L3MBTL4: variants seen among roughly 807,000 people sequenced by gnomAD.
L3MBTL4 encodes the protein lethal(3)malignant brain tumor-like protein 4.
L3MBTL4 carries 70 observed loss-of-function variants against 84.5 expected under a neutral mutation model. The observed-to-expected ratio is 0.83, with a 90% CI of 0.68 to 1.01. The LOEUF (loss-of-function observed/expected upper bound fraction) is 1.01. Ranked by LOEUF, L3MBTL4 falls within the 50% of genes least tolerant of loss-of-function variation. L3MBTL4 has a pLI of 0.00. For synonymous variants in L3MBTL4, 274 were observed against 259.8 expected (o/e 1.05, Z -0.52); for missense variants, 715 against 754.8 (o/e 0.95, Z 0.62).
chr18:6,046,879 C>T (rs987836042), intron 16 of L3MBTL4: 2 of 596,232 alleles, frequency 3.4e-6, no homozygotes, highest in African/African-American at 3.8e-5. Flanking sequence ...CCAAAACTAG[C>T]AGAAGAAAAG....
At chr18:6,156,708 T>C (rs890426413) in intron 13 of L3MBTL4, among the ~76,000 whole-genome samples, 5 of 152,228 alleles carry the variant, frequency 3.3e-5, no homozygotes, top group Non-Finnish European at 7.4e-5. Flanking sequence ...CGAGCCTTAC[T>C]GTCAAACCAC....
intron 13 of L3MBTL4, among the ~76,000 whole-genome samples, chr18:6,152,257 T>C (rs150405375): frequency 1.4e-4 from 22 of 152,272 alleles, no homozygotes; most frequent in African/African-American, 4.1e-4. Context: ...AAAAGAGGGA[T>C]TGCTGGATCT....
chr18:6,292,151 C>G (rs935854804), intron 4 of L3MBTL4, among the ~76,000 whole-genome samples: 1 of 152,126 alleles, frequency 6.6e-6, no homozygotes, highest in African/African-American at 2.4e-5. Flanking sequence ...TAGCATGCAT[C>G]AATTAAAAAT....
Position 6,098,520 on chromosome 18 carries a change from C to A in L3MBTL4, c.1200-4992G>T, listed in dbSNP as rs572049355. 2.0e-5 allele frequency among the ~76,000 whole-genome samples: 3 copies of A among 152,252 alleles called. No homozygotes were observed. In the South Asian group the frequency reaches 6.2e-4, roughly 32 times the overall value. ...TGCAGTTCAAAACATAAATAAATAA[C>A]CCAGAAGTCAGCAGTATTTCGGGAA... On this transcript the variant is annotated intron_variant, in intron 14 of 18. Coordinates refer to ENST00000317931, the MANE Select transcript of L3MBTL4 (RefSeq NM_001330559.2).
intron 10 of L3MBTL4, among the ~76,000 whole-genome samples, chr18:6,233,611 G>T (rs1359910281): frequency 2.0e-5 from 3 of 151,710 alleles, no homozygotes; most frequent in Non-Finnish European, 4.4e-5. Context: ...ACTTACAAGG[G>T]ATGTGAAGGA....
intron 14 of L3MBTL4, among the ~76,000 whole-genome samples, chr18:6,113,672 C>G (rs2059267271): frequency 6.6e-6 from 1 of 152,094 alleles, no homozygotes; most frequent in East Asian, 1.9e-4. Flanking sequence ...TCACTTGATT[C>G]AAGATCACTA....
intron 18 of L3MBTL4, among the ~76,000 whole-genome samples, chr18:5,956,701 T>C (rs8098668): frequency 0.37 from 56,265 of 152,148 alleles, 10,684 homozygotes; most frequent in East Asian, 0.49. Context: ...TGAATTTGTA[T>C]CAAGAGCCTT....
chr18:6,286,534 T>A (rs1327125029), intron 4 of L3MBTL4, among the ~76,000 whole-genome samples: 1 of 152,076 alleles, frequency 6.6e-6, no homozygotes, highest in Non-Finnish European at 1.5e-5. Flanking sequence ...AAGGTTCTCT[T>A]TGTTCTTCAG....
At chr18:6,029,474 T>C in intron 16 of L3MBTL4, 2 of 976,638 alleles carry the variant, frequency 2.0e-6, no homozygotes, top group Non-Finnish European at 2.4e-6. Context: ...GTGGCAGGAT[T>C]AAATGTAATA....
At chr18:6,032,810 T>C (rs2055899737) in intron 16 of L3MBTL4, among the ~76,000 whole-genome samples, 1 of 152,232 alleles carries the variant, frequency 6.6e-6, no homozygotes, top group South Asian at 2.1e-4. Flanking sequence ...AAAGTATTTG[T>C]CTTTTTGTTA....
intron 1 of L3MBTL4, among the ~76,000 whole-genome samples, chr18:6,314,966 G>C (rs16949905): frequency 0.04 from 6,119 of 152,184 alleles, 342 homozygotes; most frequent in African/African-American, 0.13. Context: ...ACTCATCCTG[G>C]CATAAGGATT....
chr18:6,342,592 AAGAT>A (rs1418093950), intron 1 of L3MBTL4, among the ~76,000 whole-genome samples: 3 of 152,162 alleles, frequency 2.0e-5, no homozygotes, highest in Non-Finnish European at 4.4e-5. Flanking sequence ...TTAAAAGAGA[AAGAT>A]AGAGGAATCA....
At chr18:6,074,165 G>C (rs376959544) in intron 16 of L3MBTL4, among the ~76,000 whole-genome samples, 2 of 152,144 alleles carry the variant, frequency 1.3e-5, no homozygotes, top group East Asian at 1.9e-4. Context: ...ATGTCAATGA[G>C]CTTACCGTCA....
chr18:6,240,564 T>C (rs187706363), intron 8 of L3MBTL4, among the ~76,000 whole-genome samples: 1 of 152,216 alleles, frequency 6.6e-6, no homozygotes, highest in Admixed American at 6.5e-5. Flanking sequence ...AATTAGCCAA[T>C]CCTGGGATTT....
At chr18:6,006,153 T>C (rs889245056) in intron 16 of L3MBTL4, among the ~76,000 whole-genome samples, 2 of 152,234 alleles carry the variant, frequency 1.3e-5, no homozygotes, top group African/African-American at 2.4e-5. Flanking sequence ...TCAAGAAATA[T>C]GGTTCCCATT....
intron 4 of L3MBTL4, among the ~76,000 whole-genome samples, chr18:6,299,678 AT>A (rs934013749): frequency 1.3e-4 from 13 of 99,390 alleles, no homozygotes; most frequent in African/African-American, 4.6e-4. Context: ...ATATAGATAT[AT>A]TTTTTTTATA....
intron 12 of L3MBTL4, among the ~76,000 whole-genome samples, chr18:6,178,618 G>C (rs2044328540): frequency 6.6e-6 from 1 of 152,120 alleles, no homozygotes; most frequent in African/African-American, 2.4e-5. Context: ...TGATAAACTA[G>C]AAAACAAAGG....
chr18:6,172,682 ATAAT>A (rs2044034452), intron 12 of L3MBTL4, among the ~76,000 whole-genome samples: 1 of 152,194 alleles, frequency 6.6e-6, no homozygotes, highest in South Asian at 2.1e-4. Context: ...ACATATAAGA[ATAAT>A]TAAATAAATC....
intron 14 of L3MBTL4, among the ~76,000 whole-genome samples, chr18:6,100,238 C>T (rs2058776417): frequency 6.6e-6 from 1 of 152,128 alleles, no homozygotes; most frequent in African/African-American, 2.4e-5. Flanking sequence ...GTGACCAGCA[C>T]AAATTAAATG....
Sources: allele counts gnomAD v4.1 joint callset (sites outside exome capture counted in the v4.1 genomes callset), GRCh38; gene constraint gnomAD v4.1.1; transcripts MANE v1.5; gene names NCBI Gene and HGNC (gene_info 2026-07-23, HGNC 2026-07-21).